The following ZNF454 variants were observed in gnomAD, a reference collection of about 807,000 sequenced individuals.
ZNF454 encodes zinc finger protein 454.
A neutral mutation model predicts 48.2 loss-of-function variants in ZNF454; 30 were observed. The ratio of observed to expected loss-of-function variants is 0.62; its 90% CI spans 0.47 to 0.84. The LOEUF (loss-of-function observed/expected upper bound fraction) is 0.84. Ranked by LOEUF, ZNF454 falls within the 40% of genes least tolerant of loss-of-function variation. The pLI, the probability that ZNF454 is intolerant of heterozygous loss-of-function variation, is 0.00. For synonymous variants in ZNF454, 204 were observed against 211.4 expected (o/e 0.97, Z 0.30); for missense variants, 510 against 623.1 (o/e 0.82, Z 1.93).
the ZNF454 span, among the ~76,000 whole-genome samples, chr5:178,971,925 TTTTG>T: frequency 5.3e-5 from 8 of 152,026 alleles, no homozygotes; most frequent in Middle Eastern, 3.4e-3. Context: ...AAGGTTTGTT[TTTTG>T]TTTGTTTGTT....
chr5:178,941,283 AGAGC>A lies in ZNF454; in HGVS notation c.-266_-263del, dbSNP rs1170851697. 9.7e-6 allele frequency: 4 copies of A among 413,162 alleles called. No homozygotes were observed. The highest frequency in any genetic ancestry group is 8.1e-5 in the African/African-American group (4 of 49,112). 25.6% of individuals were successfully genotyped at this position (413,162 alleles called of 1,614,324 possible). A position where few individuals can be genotyped will look rare whatever the true frequency, so the allele number is the denominator to read the frequency against. ...CTCGCCGCCGGCAGAGGCTCCTCGAAGAGCGACACGGGGCTGACCAGGCACGGTG... is the reference window on the plus strand; with the variant it reads ...CTCGCCGCCGGCAGAGGCTCCTCGAAGACACGGGGCTGACCAGGCACGGTG... On this transcript the variant is annotated 5_prime_UTR_variant, in exon 1 of 5. The change creates a premature stop within an existing upstream ORF in the 5' untranslated region. Transcript: ENST00000519564. The surrounding 1 kb of genome is among the most constrained non-coding windows in gnomAD (Gnocchi z 5.5).
chr5:178,944,497 G>A lies in ZNF454; in HGVS notation c.33+1673G>A, dbSNP rs569661690. ...TCTGGGCTACAAATACAAAGTGAAC[G>A]ATAAATGGGCCCTGACAAATTGGTT... On this transcript the variant is annotated intron_variant, in intron 2 of 4. Transcript: ENST00000519564. This position sits in a 1 kb window ranked among gnomAD's most constrained non-coding sequence, Gnocchi z 4.1. 8.5e-5 allele frequency among the ~76,000 whole-genome samples: 13 copies of A among 152,324 alleles called. No individual in the cohort carries two copies. Among genetic ancestry groups the A allele is most frequent in the South Asian group, 4.1e-4 (2 of 4,826 alleles).
the ZNF454 span, chr5:178,987,469 A>G: frequency 6.6e-6 from 3 of 456,662 alleles, no homozygotes; most frequent in Admixed American, 4.7e-5. Context: ...ATGGGATGCG[A>G]TTCAGCCTTC....
chr5:178,964,528 G>A, intron 4 of ZNF454, 127 bp from the exon 5 acceptor site: 1 of 765,938 alleles, frequency 1.3e-6, no homozygotes, highest in African/African-American at 1.7e-5. Context: ...GTCCTTTCTT[G>A]TTGTTACTTC....
At chr5:178,973,798 G>A in the ZNF454 span, among the ~76,000 whole-genome samples, 7 of 147,944 alleles carry the variant, frequency 4.7e-5, no homozygotes, top group South Asian at 2.1e-4. Flanking sequence ...AGCCGAGATC[G>A]CGCCACTGCA....
chr5:178,965,881 G>C lies in ZNF454; in HGVS notation c.1477G>C (p.Glu493Gln). 1.9e-6 allele frequency: 3 copies of C among 1,613,632 alleles called. No homozygotes were observed. The highest frequency in any genetic ancestry group is 2.5e-6 in the Non-Finnish European group (3 of 1,179,906). Residue 493 changes from glutamate (E) to glutamine (Q), a missense_variant, in exon 5 of 5, where the codon GAG (glutamate) becomes CAG (glutamine). By Grantham distance (29) the Glu-to-Gln change is conservative (BLOSUM62 2). This residue lies in a region of ZNF454 where 153 missense variants were observed against 195.8 expected (regional missense o/e 0.78). Coordinates refer to ENST00000519564, the MANE Select transcript of ZNF454 (RefSeq NM_001178089.3). The surrounding 1 kb of genome is among the most constrained non-coding windows in gnomAD (Gnocchi z 5.2). ...LTQHQRIHTG[E>Q]KPYKCNKCGK... ...TCAACATCAGAGGATTCACACAGGA[G>C]AGAAACCCTATAAATGTAATAAATG...
Position 178,965,965 on chromosome 5 carries a change from G to C in ZNF454, c.1561G>C (p.Glu521Gln). The C allele has an allele frequency of 6.4e-7, 1 of 1,569,142 alleles. No homozygotes were observed. The highest frequency in any genetic ancestry group is 8.6e-7 in the Non-Finnish European group (1 of 1,160,598). ...TCAGCATCAGAGACATCATATTGGA[G>C]AGAAGTGATATGAATGCAGTTTGTA... Reference protein sequence around the residue: ...LIQHQRHHIGEK With the variant: ...LIQHQRHHIGQK The change falls in exon 5 of 5, where the codon GAG (glutamate) becomes CAG (glutamine). Residue 521 changes from glutamate to glutamine, a missense_variant. Transcript: ENST00000519564. The surrounding 1 kb of genome is among the most constrained non-coding windows in gnomAD (Gnocchi z 5.2).
At chr5:178,989,621 G>T in the ZNF454 span, 2,320 of 627,028 alleles carry the variant, frequency 3.7e-3, 5 homozygotes, top group Non-Finnish European at 4.6e-3. Context: ...GCGTGGCCAG[G>T]TGACCAAGTT....
the ZNF454 span, chr5:178,981,794 C>A: frequency 6.2e-7 from 1 of 1,612,656 alleles, no homozygotes; most frequent in East Asian, 2.2e-5. This position sits in a 1 kb window ranked among gnomAD's most constrained non-coding sequence, Gnocchi z 5.1. Context: ...TAGAGCATGC[C>A]GAGGGACACC....
chr5:178,969,408 C>G (rs1459578437), downstream of ZNF454: 3 of 454,180 alleles, frequency 6.6e-6, no homozygotes, highest in East Asian at 2.1e-4. Flanking sequence ...GGGTTAATCC[C>G]CAAAGAACCA....
the ZNF454 span, chr5:178,987,105 C>T: frequency 7.9e-6 from 8 of 1,010,458 alleles, no homozygotes; most frequent in African/African-American, 6.3e-5. Flanking sequence ...TCATAAGGGA[C>T]GTGCAAATCC....
the ZNF454 span, chr5:178,986,635 C>T: frequency 3.1e-6 from 5 of 1,602,652 alleles, no homozygotes; most frequent in Non-Finnish European, 4.2e-6. Flanking sequence ...ACAGGCCTCG[C>T]AGTGCCAACA....
chr5:178,954,802 G>T (rs533738908), intron 4 of ZNF454, among the ~76,000 whole-genome samples: 3 of 152,216 alleles, frequency 2.0e-5, no homozygotes, highest in Admixed American at 6.5e-5. Flanking sequence ...CATGTGAATG[G>T]AGTTGCCCAG....
chr5:178,979,195 T>C, the ZNF454 span: 1 of 152,236 alleles, frequency 6.6e-6, no homozygotes, highest in Non-Finnish European at 1.5e-5. Flanking sequence ...GCTATGATCG[T>C]GCCACTGCAC....
intron 4 of ZNF454, chr5:178,948,039 C>T (rs572988023): frequency 1.3e-5 from 2 of 152,228 alleles, no homozygotes; most frequent in South Asian, 2.1e-4. Flanking sequence ...CTCAGCTTCC[C>T]GAGTAGCTGG....
At chr5:178,971,857 A>AG in the ZNF454 span, among the ~76,000 whole-genome samples, 1 of 144,894 alleles carries the variant, frequency 6.9e-6, no homozygotes, top group Non-Finnish European at 1.5e-5. Flanking sequence ...TCTGAAAAAA[A>AG]AAAAAGAAGA....
Position 178,946,994 on chromosome 5 carries a change from T to C in ZNF454, c.250+8T>C. 3 of 1,613,048 alleles carry C rather than the reference T, an allele frequency of 1.9e-6. No individual in the cohort carries two copies. The South Asian group carries it at 3.3e-5, about 18-fold the overall frequency. ...CTGGAGGCTTCTGTCTTGGTAAGAA[T>C]CATGTGTGTGGGAGACACCGGGAGG... On this transcript the variant is annotated splice_region_variant and intron_variant, in intron 4 of 4. Transcript: ENST00000519564. The surrounding 1 kb of genome is among the most constrained non-coding windows in gnomAD (Gnocchi z 4.5).
the ZNF454 span, among the ~76,000 whole-genome samples, chr5:178,988,025 G>T: frequency 1.3e-5 from 2 of 152,060 alleles, no homozygotes; most frequent in Admixed American, 1.3e-4. This position sits in a 1 kb window ranked among gnomAD's most constrained non-coding sequence, Gnocchi z 6.0. Context: ...CTCCCAAAGT[G>T]CTCAGATTAC....
the ZNF454 span, among the ~76,000 whole-genome samples, chr5:178,988,089 A>G: frequency 3.2e-4 from 49 of 152,250 alleles, no homozygotes; most frequent in South Asian, 9.3e-3. The surrounding 1 kb of genome is among the most constrained non-coding windows in gnomAD (Gnocchi z 6.0). Flanking sequence ...TGAACTCTAC[A>G]CTTAAAAAAT....
Sources: allele counts gnomAD v4.1 joint callset (sites outside exome capture counted in the v4.1 genomes callset), GRCh38; gene constraint gnomAD v4.1.1; regional missense constraint gnomAD v4.1.1; non-coding constraint Gnocchi (gnomAD v3.1); transcripts MANE v1.5; gene names NCBI Gene and HGNC (gene_info 2026-07-23, HGNC 2026-07-21).